TEKT5: variants seen among roughly 807,000 people sequenced by gnomAD.
TEKT5 encodes tektin-5.
In TEKT5, 52 loss-of-function variants were observed where a neutral mutation model predicts 48.7. That is an observed-to-expected ratio of 1.07 (90% CI 0.86 to 1.35). The LOEUF (loss-of-function observed/expected upper bound fraction) is 1.35, where lower values mean the gene tolerates loss of function less well. Ranked by LOEUF, TEKT5 falls within the 40% of genes most tolerant of loss-of-function variation. The probability of loss-of-function intolerance (pLI) is 0.00; values close to 1 mark genes in which losing one functional copy is unlikely to be tolerated. For synonymous variants in TEKT5, 318 were observed against 267.6 expected (o/e 1.19, Z -1.84); for missense variants, 831 against 641.6 (o/e 1.30, Z -3.19).
intron 5 of TEKT5, among the ~76,000 whole-genome samples, chr16:10,652,836 G>GACACACAC (rs572998899): frequency 0.012 from 241 of 19,630 alleles, 20 homozygotes; most frequent in African/African-American, 0.048. Context: ...TACACAGGCA[G>GACACACAC]ACACACACAC....
intron 6 of TEKT5, among the ~76,000 whole-genome samples, chr16:10,631,355 G>GGGT (rs1242642641): frequency 6.8e-6 from 1 of 147,452 alleles, no homozygotes; most frequent in African/African-American, 2.6e-5. Context: ...CATGGGGTGG[G>GGGT]GGCGGGGGAG....
intron 6 of TEKT5, among the ~76,000 whole-genome samples, chr16:10,631,438 G>T (rs1030879142): frequency 1.2e-4 from 18 of 151,886 alleles, no homozygotes; most frequent in African/African-American, 4.4e-4. Flanking sequence ...AGATGAGATT[G>T]GAAGGGGGCA....
intron 5 of TEKT5, among the ~76,000 whole-genome samples, chr16:10,665,607 T>G (rs1330348173): frequency 6.6e-6 from 1 of 152,144 alleles, no homozygotes; most frequent in African/African-American, 2.4e-5. Flanking sequence ...TGGCATAGTG[T>G]TCCCATGAAC....
At chr16:10,647,928 A>T (rs1044547383) in intron 5 of TEKT5, among the ~76,000 whole-genome samples, 12 of 152,380 alleles carry the variant, frequency 7.9e-5, no homozygotes, top group African/African-American at 2.9e-4. Flanking sequence ...TGGAGTGGAC[A>T]TTCTGCTGGA....
At chr16:10,690,897 A>T (rs1898961885) in intron 1 of TEKT5, among the ~76,000 whole-genome samples, 1 of 152,190 alleles carries the variant, frequency 6.6e-6, no homozygotes, top group Non-Finnish European at 1.5e-5. Flanking sequence ...CAGAAATGGG[A>T]GGGGGTCACT....
At chr16:10,688,555 G>C (rs1297867646) in intron 3 of TEKT5, among the ~76,000 whole-genome samples, 1 of 152,192 alleles carries the variant, frequency 6.6e-6, no homozygotes, top group Non-Finnish European at 1.5e-5. Context: ...GAATGAAGTG[G>C]AAAAACCAGC....
intron 3 of TEKT5, among the ~76,000 whole-genome samples, chr16:10,686,013 C>T (rs2142312255): frequency 6.6e-6 from 1 of 152,350 alleles, no homozygotes; most frequent in Middle Eastern, 3.4e-3. Flanking sequence ...CCTGTCCCCA[C>T]CAGCGCCACG....
rs1052098072 is a variant in TEKT5, at chr16:10,679,472, G to A, written c.863+2521C>T. Among the ~76,000 whole-genome samples, 10 of 151,236 alleles carry A rather than the reference G, an allele frequency of 6.6e-5. No homozygotes were observed. The South Asian group carries it at 2.1e-3, about 32-fold the overall frequency. ...CTCTGTCTAAAAAAAAAAAAAAAAG[G>A]TGTCTACTGCCATCATCATTATCAT... On this transcript the variant is annotated intron_variant, in intron 4 of 6. Transcript: ENST00000283025.
chr16:10,680,474 A>AG (rs1898728134), intron 4 of TEKT5, among the ~76,000 whole-genome samples: 1 of 149,534 alleles, frequency 6.7e-6, no homozygotes, highest in Non-Finnish European at 1.5e-5. Flanking sequence ...TTTTTTTTTA[A>AG]CAGAAGAAGG....
chr16:10,679,796 C>T (rs1012997894), intron 4 of TEKT5, among the ~76,000 whole-genome samples: 6 of 152,150 alleles, frequency 3.9e-5, no homozygotes, highest in Non-Finnish European at 4.4e-5. Context: ...ACTCAGGAGG[C>T]TGAGGCAGGA....
chr16:10,680,613 T>C (rs2142306629), intron 4 of TEKT5, among the ~76,000 whole-genome samples: 1 of 152,138 alleles, frequency 6.6e-6, no homozygotes, highest in Non-Finnish European at 1.5e-5. Flanking sequence ...CCAACCCAAA[T>C]GTCCAACGAT....
At chr16:10,668,078 C>A (rs1898489554) in intron 5 of TEKT5, among the ~76,000 whole-genome samples, 1 of 152,148 alleles carries the variant, frequency 6.6e-6, no homozygotes, top group South Asian at 2.1e-4. Context: ...GAGGTTTCAC[C>A]ATGTTGGCCA....
At chr16:10,675,826 C>T in intron 5 of TEKT5, 133 bp downstream of exon 5, 1 of 847,724 alleles carries the variant, frequency 1.2e-6, no homozygotes, top group Non-Finnish European at 1.9e-6. Context: ...AGAAAAAGAC[C>T]ACAGACCTTG....
chr16:10,689,429 G>T, intron 2 of TEKT5, 106 bp from the exon 3 acceptor site: 1 of 951,974 alleles, frequency 1.1e-6, no homozygotes, highest in South Asian at 1.5e-5. Flanking sequence ...GACCACCCTC[G>T]ACCCCAGGAG....
At position 10,694,409 on chromosome 16, in the gene TEKT5, C is replaced by G. The variant is rs757421625; in HGVS notation, c.465G>C (p.Leu155=). 1.4e-5 allele frequency: 23 copies of G among 1,614,068 alleles called. No individual in the cohort carries two copies. Among genetic ancestry groups the G allele is most frequent in the Non-Finnish European group, 1.9e-5 (22 of 1,180,046 alleles). ...TCAGAAGCCTGTCCAGCTCATAGCT[C>G]AGCTCTGACTTCCAGAAGCCAATGT... ...LSDIGFWKSE[L]SYELDRLLTE... is the part of the protein sequence containing the mutation. Residue 155 remains leucine (L), a synonymous_variant, in exon 1 of 7, where the codon CTG becomes CTC. Transcript: ENST00000283025.
chr16:10,646,970 G>C (rs1167466702), intron 5 of TEKT5, among the ~76,000 whole-genome samples: 2 of 152,206 alleles, frequency 1.3e-5, no homozygotes, highest in Admixed American at 1.3e-4. Flanking sequence ...GGGGCAGTGG[G>C]TGGGATGTAC....
chr16:10,653,585 C>T (rs1158549731), intron 5 of TEKT5, among the ~76,000 whole-genome samples: 1 of 152,200 alleles, frequency 6.6e-6, no homozygotes, highest in Admixed American at 6.5e-5. Context: ...CTGTGTAGGA[C>T]ACTTGTTCTT....
chr16:10,675,469 G>A (rs570549308), intron 5 of TEKT5, among the ~76,000 whole-genome samples: 20 of 152,230 alleles, frequency 1.3e-4, no homozygotes, highest in African/African-American at 3.9e-4. Flanking sequence ...CGACAGAATC[G>A]GGCAGTGCTG....
chr16:10,629,279 C>T (rs1343121929), intron 6 of TEKT5, among the ~76,000 whole-genome samples: 1 of 149,818 alleles, frequency 6.7e-6, no homozygotes, highest in Non-Finnish European at 1.5e-5. Flanking sequence ...GAGATGGAGT[C>T]TCGCCCTGTC....
Sources: allele counts gnomAD v4.1 joint callset (sites outside exome capture counted in the v4.1 genomes callset), GRCh38; gene constraint gnomAD v4.1.1; transcripts MANE v1.5; gene names NCBI Gene and HGNC (gene_info 2026-07-23, HGNC 2026-07-21).